Variants in KIF6 observed in about 807,000 individuals in gnomAD.
The protein encoded by KIF6 is kinesin family member 6, also known as kinesin-like protein KIF6.
Under a neutral mutation model 112.7 loss-of-function variants are expected in KIF6, and 106 were observed. The ratio of observed to expected loss-of-function variants is 0.94; its 90% CI spans 0.80 to 1.11. The LOEUF (loss-of-function observed/expected upper bound fraction) is 1.11. Ranked by LOEUF, KIF6 falls within the 50% of genes least tolerant of loss-of-function variation. The probability of loss-of-function intolerance (pLI) is 0.00; values close to 1 mark genes in which losing one functional copy is unlikely to be tolerated. For missense variants in KIF6, 929 were observed against 964.0 expected (o/e 0.96, Z 0.48); for synonymous variants, 339 against 339.9 (o/e 1.00, Z 0.03).
intron 15 of KIF6, among the ~76,000 whole-genome samples, chr6:39,415,941 G>T (rs1769889782): frequency 6.6e-6 from 1 of 152,154 alleles, no homozygotes; most frequent in African/African-American, 2.4e-5. Context: ...CTCTTTCTTT[G>T]CCTCTCACTA....
At chr6:39,379,795 C>A (rs2150303350) in intron 16 of KIF6, among the ~76,000 whole-genome samples, 1 of 152,324 alleles carries the variant, frequency 6.6e-6, no homozygotes, top group Non-Finnish European at 1.5e-5. Flanking sequence ...TGATGCCTGG[C>A]AAAGTGCTAA....
intron 19 of KIF6, chr6:39,353,893 G>A (rs1764442255): frequency 5.4e-6 from 3 of 557,090 alleles, no homozygotes; most frequent in African/African-American, 3.9e-5. Context: ...AGTTCCTACT[G>A]CTAAGTGGAG....
chr6:39,356,567 C>G (rs1180984660), intron 19 of KIF6, among the ~76,000 whole-genome samples: 1 of 152,142 alleles, frequency 6.6e-6, no homozygotes, highest in African/African-American at 2.4e-5. Flanking sequence ...GCCCGGCCCT[C>G]TGACACCTTT....
chr6:39,390,023 T>C (rs1767738043), intron 15 of KIF6, among the ~76,000 whole-genome samples: 1 of 106,508 alleles, frequency 9.4e-6, no homozygotes. Flanking sequence ...AGAATGAGAC[T>C]CTGTCTCCAA....
intron 13 of KIF6, among the ~76,000 whole-genome samples, chr6:39,438,753 T>C (rs1406265407): frequency 1.3e-5 from 2 of 152,152 alleles, no homozygotes; most frequent in African/African-American, 4.8e-5. Context: ...ACAGTGTTTA[T>C]AAAATACACA....
intron 13 of KIF6, among the ~76,000 whole-genome samples, chr6:39,477,809 C>T (rs944135322): frequency 1.1e-4 from 17 of 151,852 alleles, no homozygotes; most frequent in Admixed American, 1.1e-3. Flanking sequence ...TGCAGTGAGC[C>T]GAGATCATGC....
rs145763988 is a variant in KIF6, at chr6:39,500,976, C to T, written c.1645+39027G>A. Among the ~76,000 whole-genome samples, 404 of 152,098 alleles carry T rather than the reference C, an allele frequency of 2.7e-3. 2 individuals are homozygous for T. The highest frequency in any genetic ancestry group is 8.7e-3 in the African/African-American group (359 of 41,476). On this transcript the variant is annotated intron_variant, in intron 13 of 22. Transcript: ENST00000287152. ...GCCAATTAGAAGCAGCTGCAGTTTG[C>T]GGAACTCATGGAGAGGAATGGAAGG...
intron 6 of KIF6, among the ~76,000 whole-genome samples, chr6:39,612,635 T>C (rs948764961): frequency 1.2e-4 from 18 of 152,216 alleles, no homozygotes; most frequent in African/African-American, 4.3e-4. Context: ...TATAGTGGTG[T>C]TACCAGATAT....
Position 39,600,528 on chromosome 6 carries a change from C to T in KIF6, c.640-4268G>A, listed in dbSNP as rs144706076. Reference sequence around the variant, plus strand: ...TGTTCTTAGCAATGAACATGCTGATCCTCTAGGTAATATCTGAAAATGCTA... The same window carrying T: ...TGTTCTTAGCAATGAACATGCTGATTCTCTAGGTAATATCTGAAAATGCTA... On this transcript the variant is annotated intron_variant, in intron 6 of 22. Transcript: ENST00000287152. Among the ~76,000 whole-genome samples the T allele has an allele frequency of 2.1e-3, 321 of 152,274 alleles. 3 individuals carry two copies. The highest frequency in any genetic ancestry group is 7.4e-3 in the African/African-American group (309 of 41,562).
chr6:39,599,580 A>C (rs948438803), intron 6 of KIF6, among the ~76,000 whole-genome samples: 16 of 152,354 alleles, frequency 1.1e-4, no homozygotes, highest in African/African-American at 3.8e-4. Context: ...AAAGTGGATC[A>C]GCAAATAACT....
At chr6:39,652,693 A>C (rs1176603223) in intron 3 of KIF6, among the ~76,000 whole-genome samples, 5 of 152,242 alleles carry the variant, frequency 3.3e-5, no homozygotes, top group Non-Finnish European at 7.4e-5. Context: ...TTCCTCTTTC[A>C]TTCTCTAGGC....
intron 5 of KIF6, among the ~76,000 whole-genome samples, chr6:39,613,990 G>C (rs145825330): frequency 7.2e-4 from 110 of 152,170 alleles, no homozygotes; most frequent in Admixed American, 3.7e-3. Context: ...CTTAGATCTG[G>C]AATTACATTC....
intron 3 of KIF6, among the ~76,000 whole-genome samples, chr6:39,676,062 GAA>G (rs3048078): frequency 6.9e-6 from 1 of 145,700 alleles, no homozygotes; most frequent in Non-Finnish European, 1.5e-5. Context: ...AGGAAATATG[GAA>G]AAAAAAAAAA....
intron 13 of KIF6, among the ~76,000 whole-genome samples, chr6:39,462,673 C>T (rs571330049): frequency 5.9e-4 from 90 of 152,072 alleles, no homozygotes; most frequent in African/African-American, 2.0e-3. Context: ...GGAAGGCTGA[C>T]GAGATATCTG....
chr6:39,370,363 T>C (rs922824667), intron 16 of KIF6, among the ~76,000 whole-genome samples: 1 of 152,166 alleles, frequency 6.6e-6, no homozygotes, highest in African/African-American at 2.4e-5. Context: ...GTTAGTAGGG[T>C]TCCATTGATT....
intron 16 of KIF6, among the ~76,000 whole-genome samples, chr6:39,383,003 T>C (rs1373326978): frequency 6.9e-6 from 1 of 144,844 alleles, no homozygotes; most frequent in African/African-American, 2.6e-5. Flanking sequence ...TTGCCCACTT[T>C]TTAATAGGGT....
At chr6:39,358,910 G>T (rs1327934460) in intron 18 of KIF6, among the ~76,000 whole-genome samples, 1 of 152,162 alleles carries the variant, frequency 6.6e-6, no homozygotes, top group African/African-American at 2.4e-5. Context: ...TTGAAGTTAT[G>T]ATAAATATTG....
At chr6:39,365,373 C>T (rs955761637) in intron 16 of KIF6, among the ~76,000 whole-genome samples, 1 of 152,170 alleles carries the variant, frequency 6.6e-6, no homozygotes, top group African/African-American at 2.4e-5. Context: ...TGAGGCAGCC[C>T]GCCTGTCCAC....
At chr6:39,559,534 T>C (rs992114279) in intron 10 of KIF6, among the ~76,000 whole-genome samples, 9 of 152,108 alleles carry the variant, frequency 5.9e-5, no homozygotes, top group African/African-American at 2.2e-4. Context: ...ATGATAATGC[T>C]TCCTCAGCCC....
Sources: gnomAD v4.1 joint callset for allele counts (sites outside exome capture counted in the v4.1 genomes callset) on GRCh38, gnomAD v4.1.1 for gene constraint, MANE v1.5 for transcripts, NCBI Gene and HGNC (gene_info 2026-07-23, HGNC 2026-07-21) for gene names.